HES2: variants seen among roughly 807,000 people sequenced by gnomAD.
The protein encoded by HES2 is transcription factor HES-2.
In HES2, 11 loss-of-function variants were observed where a neutral mutation model predicts 11.9. The ratio of observed to expected loss-of-function variants is 0.92; its 90% CI spans 0.58 to 1.53. The LOEUF is 1.53. HES2 is among the 40% of genes most tolerant of loss of function. The pLI, the probability that HES2 is intolerant of heterozygous loss-of-function variation, is 0.00. For synonymous variants in HES2, 125 were observed against 122.8 expected (o/e 1.02, Z -0.12); for missense variants, 260 against 253.8 (o/e 1.02, Z -0.16).
chr1:6,419,463 C>T lies in HES2; in HGVS notation c.142-123G>A, dbSNP rs978767054. ...GGGCGCGCCGTGGCCTGCTGGGGGT[C>T]CGCTCCGACGCGCCCACCCCACCCA... On this transcript the variant is annotated intron_variant, in intron 2 of 3. Coordinates refer to ENST00000377834, the MANE Select transcript of HES2 (RefSeq NM_019089.5). The surrounding 1 kb of genome is among the most constrained non-coding windows in gnomAD (Gnocchi z 8.1). 3.4e-6 allele frequency: 4 copies of T among 1,161,122 alleles called. No individual in the cohort carries two copies. The African/African-American group carries it at 6.4e-5, about 19-fold the overall frequency. The allele number at this position is 1,161,122 out of a possible 1,614,324, so 71.9% of individuals were successfully genotyped here.
At position 6,415,424 on chromosome 1, in the gene HES2, T is replaced by G. The variant is rs1333769329; in HGVS notation, c.*3449A>C. 1 of 152,012 alleles carries G rather than the reference T, an allele frequency of 6.6e-6. No individual in the cohort carries two copies. Among genetic ancestry groups the G allele is most frequent in the Non-Finnish European group, 1.5e-5 (1 of 68,012 alleles). The allele number at this position is 152,012 out of a possible 1,614,324, so 9.4% of individuals were successfully genotyped here. On this transcript the variant is annotated 3_prime_UTR_variant, in exon 4 of 4. Transcript: ENST00000377834. ...TATTTCAAACTTCTTCCTTATTATATCTGTTGTGAAGCTGGTTCTCCCAGA... is the reference window on the plus strand; with the variant it reads ...TATTTCAAACTTCTTCCTTATTATAGCTGTTGTGAAGCTGGTTCTCCCAGA...
chr1:6,417,210 T>C lies in HES2; in HGVS notation c.*1663A>G, dbSNP rs575087948. On this transcript the variant is annotated 3_prime_UTR_variant, in exon 4 of 4. Coordinates refer to ENST00000377834, the MANE Select transcript of HES2 (RefSeq NM_019089.5). ...GAGCCTCACCCTGTTGGCTGAACAA[T>C]GATTTTTTCAATAATGCCTACAGCT... is the stretch of plus-strand genomic sequence containing the variant. The C allele has an allele frequency of 6.6e-6, 1 of 152,210 alleles. No individual in the cohort carries two copies. The highest frequency in any genetic ancestry group is 1.5e-5 in the Non-Finnish European group (1 of 68,056). The allele number at this position is 152,210 out of a possible 1,614,324, so 9.4% of individuals were successfully genotyped here.
chr1:6,419,821 G>A lies in HES2; in HGVS notation c.-1C>T, dbSNP rs748767651. On this transcript the variant is annotated 5_prime_UTR_variant, in exon 1 of 4. Coordinates refer to ENST00000377834, the MANE Select transcript of HES2 (RefSeq NM_019089.5). This position sits in a 1 kb window ranked among gnomAD's most constrained non-coding sequence, Gnocchi z 8.1. ...CCCCTGCCCGGCGAGGCAGCCCCAT[G>A]CTCCGCGGGGAAGCGGTGGCAGCTG... The A allele has an allele frequency of 1.9e-6, 3 of 1,556,118 alleles. No homozygotes were observed. The highest frequency in any genetic ancestry group is 2.6e-6 in the Non-Finnish European group (3 of 1,156,050).
rs1038642564 is a variant in HES2, at chr1:6,418,847, G to T, written c.*26C>A. 1.5e-5 allele frequency: 19 copies of T among 1,296,464 alleles called. No individual in the cohort carries two copies. In the African/African-American group the frequency reaches 2.8e-4, roughly 19 times the overall value. The allele number at this position is 1,296,464 out of a possible 1,614,324, so 80.3% of individuals were successfully genotyped here. A position where few individuals can be genotyped will look rare whatever the true frequency, so the allele number is the denominator to read the frequency against. On this transcript the variant is annotated 3_prime_UTR_variant, in exon 4 of 4. Coordinates refer to ENST00000377834, the MANE Select transcript of HES2 (RefSeq NM_019089.5). Reference sequence around the variant, plus strand: ...AGTGCCCCAAGGTCCCAAGCAGTCGGCAGGGTCTGTGGATCGGCCGAGGGG... The same window carrying T: ...AGTGCCCCAAGGTCCCAAGCAGTCGTCAGGGTCTGTGGATCGGCCGAGGGG...
At position 6,418,214 on chromosome 1, in the gene HES2, G is replaced by A. The variant is rs1642871645; in HGVS notation, c.*659C>T. On this transcript the variant is annotated 3_prime_UTR_variant, in exon 4 of 4. Transcript: ENST00000377834. ...CTCGGGAAAACAAATCCTTCCCAAA[G>A]TCACTTAAGGAATCCCCCAGCCCCA... is the stretch of plus-strand genomic sequence containing the variant. 1 of 152,362 alleles carries A rather than the reference G, an allele frequency of 6.6e-6. No individual in the cohort carries two copies. Among genetic ancestry groups the A allele is most frequent in the Non-Finnish European group, 1.5e-5 (1 of 68,160 alleles). The allele number at this position is 152,362 out of a possible 1,614,324, so 9.4% of individuals were successfully genotyped here.
chr1:6,419,216 G>C lies in HES2; in HGVS notation c.241+25C>G. On this transcript the variant is annotated intron_variant, in intron 3 of 3. Coordinates refer to ENST00000377834, the MANE Select transcript of HES2 (RefSeq NM_019089.5). This position sits in a 1 kb window ranked among gnomAD's most constrained non-coding sequence, Gnocchi z 8.1. ...GCCGGGTGCGGGGTGCAGAGCGCGC[G>C]GCAGGGCAGGGAGGGCTCACTCACG... 1 of 1,600,390 alleles carries C rather than the reference G, an allele frequency of 6.2e-7. No homozygotes were observed. The highest frequency in any genetic ancestry group is 8.5e-7 in the Non-Finnish European group (1 of 1,176,474).
Position 6,418,778 on chromosome 1 carries a change from T to TA in HES2, c.*94dup. The TA allele has an allele frequency of 8.3e-7, 1 of 1,198,252 alleles. No homozygotes were observed. Among genetic ancestry groups the TA allele is most frequent in the Non-Finnish European group, 1.1e-6 (1 of 951,882 alleles). 74.2% of individuals were successfully genotyped at this position (1,198,252 alleles called of 1,614,324 possible). ...TGGGTGTGGGTACTGGGCTGGCCCC[T>TA]AATGATGGGAACAGCAGCCGCCACC... is the stretch of plus-strand genomic sequence containing the variant. On this transcript the variant is annotated 3_prime_UTR_variant, in exon 4 of 4. Coordinates refer to ENST00000377834, the MANE Select transcript of HES2 (RefSeq NM_019089.5).
Position 6,419,898 on chromosome 1 carries a change from C to A in HES2, c.-78G>T. ...GTCCGAAATGAGGTCCCGGGCGCGG[C>A]CCGGGCTGGTGCCAGACGAGTGCGC... On this transcript the variant is annotated 5_prime_UTR_variant, in exon 1 of 4. Transcript: ENST00000377834. The surrounding 1 kb of genome is among the most constrained non-coding windows in gnomAD (Gnocchi z 8.1). 1 of 1,440,212 alleles carries A rather than the reference C, an allele frequency of 6.9e-7. No individual in the cohort carries two copies. The highest frequency in any genetic ancestry group is 9.1e-7 in the Non-Finnish European group (1 of 1,097,028). 89.2% of individuals were successfully genotyped at this position (1,440,212 alleles called of 1,614,324 possible).
In HES2 at chr1:6,419,167, G is replaced by A. The variant is rs752498478; in HGVS notation, c.242-14C>T. On this transcript the variant is annotated splice_polypyrimidine_tract_variant and intron_variant, in intron 3 of 3. Transcript: ENST00000377834. The surrounding 1 kb of genome is among the most constrained non-coding windows in gnomAD (Gnocchi z 8.1). ...TGTCGCAAGGCACTGCGGGCGGAGA[G>A]CCGCGTGAGGCGCGGGGTAGGGTGC... is the stretch of plus-strand genomic sequence containing the variant. The A allele has an allele frequency of 2.1e-5, 33 of 1,557,458 alleles. No homozygotes were observed. The African/African-American group carries it at 4.1e-4, about 20-fold the overall frequency.
chr1:6,419,693 G>A lies in HES2; in HGVS notation c.55C>T (p.Pro19Ser), dbSNP rs978798072. Residue 19 changes from proline to serine, a missense_variant, in exon 2 of 4, where the codon CCG (proline) becomes TCG (serine). Coordinates refer to ENST00000377834, the MANE Select transcript of HES2 (RefSeq NM_019089.5). The surrounding 1 kb of genome is among the most constrained non-coding windows in gnomAD (Gnocchi z 8.1). ...GCGCGCCGGCGCTTCTCCAGCAGCGGCTTCAGGCTCTGCGGACGGGCGGCG... is the reference window on the plus strand; with the variant it reads ...GCGCGCCGGCGCTTCTCCAGCAGCGACTTCAGGCTCTGCGGACGGGCGGCG... ...DAAELRKSLKPLLEKRRRARI... is the reference protein window; with the variant it reads ...DAAELRKSLKSLLEKRRRARI... 1 of 1,556,016 alleles carries A rather than the reference G, an allele frequency of 6.4e-7. No individual in the cohort carries two copies. The highest frequency in any genetic ancestry group is 8.7e-7 in the Non-Finnish European group (1 of 1,153,510).
chr1:6,419,673 C>A lies in HES2; in HGVS notation c.75G>T (p.Arg25=). 1 of 1,556,016 alleles carries A rather than the reference C, an allele frequency of 6.4e-7. No homozygotes were observed. The highest frequency in any genetic ancestry group is 1.9e-5 in the Admixed American group (1 of 52,704). The change falls in exon 2 of 4, where the codon CGG becomes CGT. Residue 25 remains arginine, a synonymous_variant. Coordinates refer to ENST00000377834, the MANE Select transcript of HES2 (RefSeq NM_019089.5). This position sits in a 1 kb window ranked among gnomAD's most constrained non-coding sequence, Gnocchi z 8.1. ...KSLKPLLEKR[R]RARINQSLSQ... ...TCAGGCTCTGGTTGATGCGCGCGCG[C>A]CGGCGCTTCTCCAGCAGCGGCTTCA...
At position 6,419,263 on chromosome 1, in the gene HES2, G is replaced by T; in HGVS notation, c.219C>A (p.Ser73=). ...TVRFLQELPA[S]SWPTAAPLPC... ...CACGGGGCGCTGCCGTGGGCCATGA[G>T]GACGCAGGCAGCTCCTGCAGGAAGC... Residue 73 remains serine (S), a synonymous_variant, in exon 3 of 4, where the codon TCC becomes TCA. Coordinates refer to ENST00000377834, the MANE Select transcript of HES2 (RefSeq NM_019089.5). The surrounding 1 kb of genome is among the most constrained non-coding windows in gnomAD (Gnocchi z 8.1). 1 of 1,610,340 alleles carries T rather than the reference G, an allele frequency of 6.2e-7. No homozygotes were observed.
At position 6,416,926 on chromosome 1, in the gene HES2, T is replaced by G. The variant is rs1392591332; in HGVS notation, c.*1947A>C. 1 of 152,322 alleles carries G rather than the reference T, an allele frequency of 6.6e-6. No individual in the cohort carries two copies. Among genetic ancestry groups the G allele is most frequent in the Non-Finnish European group, 1.5e-5 (1 of 68,128 alleles). The allele number at this position is 152,322 out of a possible 1,614,324, so 9.4% of individuals were successfully genotyped here. ...CTCCTCTCCACACCTCCCCAGTATT[T>G]GTCCTCATGGAGTAAATATCCAACA... On this transcript the variant is annotated 3_prime_UTR_variant, in exon 4 of 4. Transcript: ENST00000377834.
rs960124401 is a variant in HES2 at position 6,419,088 on chromosome 1, C to A, written c.307G>T (p.Ala103Ser). 1 of 1,501,220 alleles carries A rather than the reference C, an allele frequency of 6.7e-7. No homozygotes were observed. Among genetic ancestry groups the A allele is most frequent in the African/African-American group, 1.5e-5 (1 of 68,812 alleles). The allele number at this position is 1,501,220 out of a possible 1,614,324, so 93.0% of individuals were successfully genotyped here. A position where few individuals can be genotyped will look rare whatever the true frequency, so the allele number is the denominator to read the frequency against. The change falls in exon 4 of 4, where the codon GCC becomes TCC. Residue 103 changes from alanine to serine, a missense_variant. Coordinates refer to ENST00000377834, the MANE Select transcript of HES2 (RefSeq NM_019089.5). The surrounding 1 kb of genome is among the most constrained non-coding windows in gnomAD (Gnocchi z 8.1). ...ACGGCGGGCTCCAGGACACGGCAGG[C>A]GGGCAGCACGCGGGCCAGGCGCGCC... ...CVARLARVLP[A>S]CRVLEPAVSA...
In HES2 at chr1:6,419,033, C is replaced by A; in HGVS notation, c.362G>T (p.Arg121Leu). The A allele has an allele frequency of 1.4e-6, 2 of 1,455,220 alleles. No homozygotes were observed. 90.1% of individuals were successfully genotyped at this position (1,455,220 alleles called of 1,614,324 possible). A position where few individuals can be genotyped will look rare whatever the true frequency, so the allele number is the denominator to read the frequency against. ...GTCCAGGGTGGCGCTGGCCGCTCTC[C>A]GCCACAGGTGCTCCAGCAGGCGCGC... ...VSARLLEHLW[R>L]RAASATLDGG... Residue 121 changes from arginine to leucine, a missense_variant, in exon 4 of 4, where the codon CGG (arginine) becomes CTG (leucine). Arg to Leu is a moderately radical substitution (Grantham distance 102). Coordinates refer to ENST00000377834, the MANE Select transcript of HES2 (RefSeq NM_019089.5). This position sits in a 1 kb window ranked among gnomAD's most constrained non-coding sequence, Gnocchi z 8.1.
At position 6,417,011 on chromosome 1, in the gene HES2, A is replaced by G. The variant is rs61780700; in HGVS notation, c.*1862T>C. The G allele has an allele frequency of 8.1e-3, 1,242 of 152,412 alleles. 12 individuals carry two copies. The highest frequency in any genetic ancestry group is 0.012 in the Admixed American group (187 of 15,294). The allele number at this position is 152,412 out of a possible 1,614,324, so 9.4% of individuals were successfully genotyped here. ...AATGCCAGACTGTCCAAGGCTCATT[A>G]CAGGGTAGTCCTCTCATCCTCTGCT... On this transcript the variant is annotated 3_prime_UTR_variant, in exon 4 of 4. Coordinates refer to ENST00000377834, the MANE Select transcript of HES2 (RefSeq NM_019089.5).
In HES2 at chr1:6,415,682, G is replaced by C. The variant is rs558203126; in HGVS notation, c.*3191C>G. ...GCAGGTAGGCGCCTGTCCCAAGCCT[G>C]AGTTTCCTGGGAAATCTACATTTCA... On this transcript the variant is annotated 3_prime_UTR_variant, in exon 4 of 4. Coordinates refer to ENST00000377834, the MANE Select transcript of HES2 (RefSeq NM_019089.5). The C allele has an allele frequency of 6.6e-6, 1 of 152,344 alleles. No individual in the cohort carries two copies. The highest frequency in any genetic ancestry group is 2.1e-4 in the South Asian group (1 of 4,826). The allele number at this position is 152,344 out of a possible 1,614,324, so 9.4% of individuals were successfully genotyped here.
Position 6,419,044 on chromosome 1 carries a change from C to A in HES2, c.351G>T (p.Glu117Asp). Residue 117 changes from glutamate (E) to aspartate (D), a missense_variant, in exon 4 of 4, where the codon GAG becomes GAT. Glu to Asp is a conservative substitution (Grantham distance 45). Transcript: ENST00000377834. The surrounding 1 kb of genome is among the most constrained non-coding windows in gnomAD (Gnocchi z 8.1). ...CGCTGGCCGCTCTCCGCCACAGGTGCTCCAGCAGGCGCGCGCTCACGGCGG... is the reference window on the plus strand; with the variant it reads ...CGCTGGCCGCTCTCCGCCACAGGTGATCCAGCAGGCGCGCGCTCACGGCGG... ...LEPAVSARLLEHLWRRAASAT... is the reference protein window; with the variant it reads ...LEPAVSARLLDHLWRRAASAT... 6.8e-7 allele frequency: 1 copy of A among 1,466,978 alleles called. No homozygotes were observed. The highest frequency in any genetic ancestry group is 8.9e-7 in the Non-Finnish European group (1 of 1,119,090). 90.9% of individuals were successfully genotyped at this position (1,466,978 alleles called of 1,614,324 possible).
rs1157217055 is a variant in HES2 at position 6,419,573 on chromosome 1, C to T, written c.141+34G>A. On this transcript the variant is annotated intron_variant, in intron 2 of 3. Transcript: ENST00000377834. The surrounding 1 kb of genome is among the most constrained non-coding windows in gnomAD (Gnocchi z 8.1). Reference sequence around the variant, plus strand: ...GTCCCCCTGCCCCCGCTCCGCGCCCCAGGACCCTCTGCCCTCCGCCCGGGC... The same window carrying T: ...GTCCCCCTGCCCCCGCTCCGCGCCCTAGGACCCTCTGCCCTCCGCCCGGGC... 45 of 1,505,250 alleles carry T rather than the reference C, an allele frequency of 3.0e-5. 1 individual carries two copies. Among genetic ancestry groups the T allele is most frequent in the Non-Finnish European group, 4.0e-5 (45 of 1,124,522 alleles). 93.2% of individuals were successfully genotyped at this position (1,505,250 alleles called of 1,614,324 possible). A position where few individuals can be genotyped will look rare whatever the true frequency, so the allele number is the denominator to read the frequency against.
Sources: allele counts gnomAD v4.1 joint callset, GRCh38; gene constraint gnomAD v4.1.1; non-coding constraint Gnocchi (gnomAD v3.1); transcripts MANE v1.5; gene names NCBI Gene and HGNC (gene_info 2026-07-23, HGNC 2026-07-21).